Variants in GABRA6 observed in about 807,000 individuals in gnomAD.
GABRA6 encodes the protein gamma-aminobutyric acid type A receptor subunit alpha6, also known as gamma-aminobutyric acid receptor subunit alpha-6.
GABRA6 carries 45 observed loss-of-function variants against 47.3 expected under a neutral mutation model. The ratio of observed to expected loss-of-function variants is 0.95; its 90% confidence interval spans 0.75 to 1.22. GABRA6 has a LOEUF of 1.22. Among genes scored for constraint, GABRA6 ranks in the 50% most tolerant of loss-of-function variants. The pLI is 0.00. For synonymous variants in GABRA6, 219 were observed against 194.7 expected (o/e 1.12, Z -1.04); for missense variants, 583 against 549.3 (o/e 1.06, Z -0.61).
chr5:161,689,471 C>A, intron 5 of GABRA6, 135 bp downstream of exon 5: 2 of 1,017,920 alleles, frequency 2.0e-6, no homozygotes, highest in Non-Finnish European at 3.0e-6. Context: ...TATACTTAAT[C>A]ATTCTGTCAA....
intron 8 of GABRA6, among the ~76,000 whole-genome samples, chr5:161,694,351 T>C (rs762952464): frequency 6.6e-6 from 1 of 151,578 alleles, no homozygotes; most frequent in Non-Finnish European, 1.5e-5. Context: ...AAAGGATCCA[T>C]TTTGAATATG....
In GABRA6 at chr5:161,701,512, A is replaced by G. The variant is rs1208128125; in HGVS notation, c.1101A>G (p.Lys367=). The G allele has an allele frequency of 6.2e-7, 1 of 1,614,150 alleles. No homozygotes were observed. The highest frequency in any genetic ancestry group is 8.5e-7 in the Non-Finnish European group (1 of 1,180,022). ...EAEIVLHPDS[K]YHLKKRITSL... ...TTTTTCCACAGCATCCTGACTCCAAATATCATCTGAAGAAAAGGATCACTT... is the reference window on the plus strand; with the variant it reads ...TTTTTCCACAGCATCCTGACTCCAAGTATCATCTGAAGAAAAGGATCACTT... The change falls in exon 9 of 9, where the codon AAA becomes AAG. Residue 367 remains lysine (K), a synonymous_variant. Coordinates refer to ENST00000274545, the MANE Select transcript of GABRA6 (RefSeq NM_000811.3).
intron 8 of GABRA6, among the ~76,000 whole-genome samples, chr5:161,693,389 TAAAG>T (rs1561725951): frequency 6.6e-6 from 1 of 151,796 alleles, no homozygotes; most frequent in Non-Finnish European, 1.5e-5. Context: ...TTTAAAAAAA[TAAAG>T]AAAAAAGAAA....
chr5:161,699,744 G>C (rs1368201034), intron 8 of GABRA6, among the ~76,000 whole-genome samples: 3 of 151,900 alleles, frequency 2.0e-5, no homozygotes, highest in African/African-American at 4.8e-5. Context: ...ACAAGCATCA[G>C]CCACCATGCA....
rs192942867 is a variant in GABRA6, at chr5:161,694,263, C to A, written c.1086+2063C>A. ...GTCTATAAATGAAAAAAGTGCTTATCAGGATTCAGCTTACCAGTTTCTTAT... is the reference window on the plus strand; with the variant it reads ...GTCTATAAATGAAAAAAGTGCTTATAAGGATTCAGCTTACCAGTTTCTTAT... On this transcript the variant is annotated intron_variant, in intron 8 of 8. Coordinates refer to ENST00000274545, the MANE Select transcript of GABRA6 (RefSeq NM_000811.3). Among the ~76,000 whole-genome samples the A allele has an allele frequency of 4.6e-3, 679 of 148,330 alleles. 7 individuals are homozygous for A. Among genetic ancestry groups the A allele is most frequent in the African/African-American group, 0.016 (654 of 40,298 alleles).
chr5:161,689,034 A>G lies in GABRA6; in HGVS notation c.311A>G (p.Asn104Ser). 1 of 1,614,092 alleles carries G rather than the reference A, an allele frequency of 6.2e-7. No homozygotes were observed. The highest frequency in any genetic ancestry group is 8.5e-7 in the Non-Finnish European group (1 of 1,179,978). ...GGGCCAACTGAGATTCTGAGTCTGA[A>G]TAATTTGATGGTCAGTAAAATCTGG... Reference protein sequence around the residue: ...FGGPTEILSLNNLMVSKIWTP... With the variant: ...FGGPTEILSLSNLMVSKIWTP... The change falls in exon 4 of 9, where the codon AAT becomes AGT. Residue 104 changes from asparagine (N) to serine (S), a missense_variant. Coordinates refer to ENST00000274545, the MANE Select transcript of GABRA6 (RefSeq NM_000811.3).
At chr5:161,686,182 C>T in intron 1 of GABRA6, 48 bp from the exon 2 acceptor site, 2 of 1,474,772 alleles carry the variant, frequency 1.4e-6, no homozygotes, top group Non-Finnish European at 1.9e-6. Flanking sequence ...TTAGACAAAA[C>T]CTCTTCTCTG....
At position 161,689,768 on chromosome 5, in the gene GABRA6, A is replaced by C. The variant is rs765506471; in HGVS notation, c.662A>C (p.Lys221Thr). The C allele has an allele frequency of 1.2e-6, 2 of 1,613,210 alleles. No homozygotes were observed. Among genetic ancestry groups the C allele is most frequent in the South Asian group, 2.2e-5 (2 of 91,064 alleles). ...IGQTVSSETI[K>T]SNTGEYVIMT... ...CAAACAGTATCTAGTGAGACAATTA[A>C]ATCTAACACAGGTAAGAATTTGACC... is the stretch of plus-strand genomic sequence containing the variant. The change falls in exon 6 of 9, where the codon AAA becomes ACA. Residue 221 changes from lysine (K) to threonine (T), a missense_variant. Coordinates refer to ENST00000274545, the MANE Select transcript of GABRA6 (RefSeq NM_000811.3).
At chr5:161,692,328 C>T (rs985852920) in intron 8 of GABRA6, 128 bp downstream of exon 8, 8 of 1,066,422 alleles carry the variant, frequency 7.5e-6, no homozygotes, top group African/African-American at 1.6e-5. Context: ...GTTTCAAGAG[C>T]AAGGCCAGTT....
At chr5:161,693,469 G>A (rs1246961327) in intron 8 of GABRA6, among the ~76,000 whole-genome samples, 3 of 152,072 alleles carry the variant, frequency 2.0e-5, no homozygotes, top group African/African-American at 7.2e-5. Flanking sequence ...GTCTAGGAGA[G>A]GGAAAATATT....
chr5:161,694,889 T>C (rs541269806), intron 8 of GABRA6, among the ~76,000 whole-genome samples: 4 of 152,262 alleles, frequency 2.6e-5, no homozygotes, highest in South Asian at 2.1e-4. Context: ...CCTTGGCAAG[T>C]TGTCTTATAT....
At chr5:161,694,074 A>G (rs1307481153) in intron 8 of GABRA6, among the ~76,000 whole-genome samples, 1 of 152,194 alleles carries the variant, frequency 6.6e-6, no homozygotes, top group Non-Finnish European at 1.5e-5. Context: ...TAGTCTGCAG[A>G]CTTGCTCCAC....
At chr5:161,687,885 G>A (rs542304183) in intron 3 of GABRA6, among the ~76,000 whole-genome samples, 1 of 151,990 alleles carries the variant, frequency 6.6e-6, no homozygotes, top group South Asian at 2.1e-4. Context: ...TGAAAGAAAA[G>A]GAAAGAGGGA....
At chr5:161,693,514 C>CA (rs762019635) in intron 8 of GABRA6, among the ~76,000 whole-genome samples, 8 of 152,076 alleles carry the variant, frequency 5.3e-5, no homozygotes, top group Non-Finnish European at 8.8e-5. Context: ...GGAATTGATT[C>CA]AAAAACTTTG....
intron 8 of GABRA6, 140 bp from the exon 9 acceptor site, chr5:161,701,358 T>C: frequency 1.1e-6 from 1 of 902,170 alleles, no homozygotes; most frequent in Non-Finnish European, 1.8e-6. Flanking sequence ...ACAAATACTA[T>C]TAAGAATTCA....
intron 5 of GABRA6, 106 bp from the exon 6 acceptor site, chr5:161,689,530 A>G (rs1344144569): frequency 8.6e-7 from 1 of 1,158,058 alleles, no homozygotes; most frequent in South Asian, 1.3e-5. Flanking sequence ...AACATTAAAT[A>G]CAATCTATGT....
rs1409362278 is a variant in GABRA6 at position 161,702,251 on chromosome 5, A to T, written c.*478A>T. The T allele has an allele frequency of 6.0e-6, 1 of 167,628 alleles. No homozygotes were observed. Among genetic ancestry groups the T allele is most frequent in the African/African-American group, 2.4e-5 (1 of 41,614 alleles). The allele number at this position is 167,628 out of a possible 1,614,324, so 10.4% of individuals were successfully genotyped here. ...GCATGTTGGAGGCCTTTATGCTAGT[A>T]AAATGGCTTTCAGTGGCATTGTAAA... On this transcript the variant is annotated 3_prime_UTR_variant, in exon 9 of 9. Transcript: ENST00000274545.
chr5:161,700,457 C>T (rs1378092368), intron 8 of GABRA6, among the ~76,000 whole-genome samples: 1 of 152,264 alleles, frequency 6.6e-6, no homozygotes, highest in African/African-American at 2.4e-5. Flanking sequence ...AGGAGGGCCC[C>T]CTAGACACCA....
chr5:161,685,892 G>A lies in GABRA6; in HGVS notation c.-98G>A, dbSNP rs910788829. ...GGCAAACAAGGAACAGAGATATGAAGGGTTTGAAAGATTTCTCCAGTTGAT... is the reference window on the plus strand; with the variant it reads ...GGCAAACAAGGAACAGAGATATGAAAGGTTTGAAAGATTTCTCCAGTTGAT... On this transcript the variant is annotated 5_prime_UTR_variant, in exon 1 of 9. Coordinates refer to ENST00000274545, the MANE Select transcript of GABRA6 (RefSeq NM_000811.3). 40 of 962,198 alleles carry A rather than the reference G, an allele frequency of 4.2e-5. No homozygotes were observed. Among genetic ancestry groups the A allele is most frequent in the Non-Finnish European group, 6.7e-5 (39 of 585,038 alleles). 59.6% of individuals were successfully genotyped at this position (962,198 alleles called of 1,614,324 possible).
Sources: allele counts gnomAD v4.1 joint callset (sites outside exome capture counted in the v4.1 genomes callset), GRCh38; gene constraint gnomAD v4.1.1; transcripts MANE v1.5; gene names NCBI Gene and HGNC (gene_info 2026-07-23, HGNC 2026-07-21).